The following NLK variants were observed in gnomAD, a reference collection of about 807,000 sequenced individuals.
NLK encodes the protein nemo like kinase, also known as serine/threonine-protein kinase NLK.
NLK carries 11 observed loss-of-function variants against 59.0 expected under a neutral mutation model. The observed-to-expected ratio is 0.19, with a 90% CI of 0.12 to 0.31. The LOEUF (loss-of-function observed/expected upper bound fraction) is 0.31. NLK is among the 10% of genes least tolerant of loss of function. The pLI, the probability that NLK is intolerant of heterozygous loss-of-function variation, is 1.00. For synonymous variants in NLK, 235 were observed against 235.9 expected, an observed-to-expected ratio of 1.00 and a Z score of 0.03; for missense variants, 410 against 661.1, an observed-to-expected ratio of 0.62 and a Z score of 4.16.
At chr17:28,143,264 G>C (rs930215912) in intron 3 of NLK, among the ~76,000 whole-genome samples, 1 of 151,788 alleles carries the variant, frequency 6.6e-6, no homozygotes, top group Non-Finnish European at 1.5e-5. Flanking sequence ...GGATGGTCTC[G>C]CTCTCCTGAC....
chr17:28,160,609 T>G (rs1458512530), intron 3 of NLK, among the ~76,000 whole-genome samples: 1 of 152,150 alleles, frequency 6.6e-6, no homozygotes, highest in Non-Finnish European at 1.5e-5. Flanking sequence ...GGAGGGGTGT[T>G]TCATAAATAT....
At chr17:28,096,839 C>T (rs1323070961) in intron 1 of NLK, among the ~76,000 whole-genome samples, 1 of 152,172 alleles carries the variant, frequency 6.6e-6, no homozygotes, top group Non-Finnish European at 1.5e-5. Flanking sequence ...TTACTACTGG[C>T]AGATAGAGAA....
chr17:28,189,957 A>G (rs1433077081), intron 8 of NLK, among the ~76,000 whole-genome samples: 2 of 152,234 alleles, frequency 1.3e-5, no homozygotes, highest in Non-Finnish European at 2.9e-5. Flanking sequence ...TTACATCAGC[A>G]TAGCAAAAAT....
At chr17:28,159,700 T>G (rs1204491864) in intron 3 of NLK, among the ~76,000 whole-genome samples, 1 of 152,246 alleles carries the variant, frequency 6.6e-6, no homozygotes, top group South Asian at 2.1e-4. Context: ...TATCTAAGAA[T>G]GTAAAAGGCT....
At chr17:28,115,706 A>G (rs958893851) in intron 1 of NLK, among the ~76,000 whole-genome samples, 2 of 152,084 alleles carry the variant, frequency 1.3e-5, no homozygotes, top group Admixed American at 6.6e-5. Flanking sequence ...CAATTTTACA[A>G]TGTTGAGTTT....
At chr17:28,082,212 C>T (rs1597669736) in intron 1 of NLK, among the ~76,000 whole-genome samples, 1 of 152,060 alleles carries the variant, frequency 6.6e-6, no homozygotes, top group Non-Finnish European at 1.5e-5. Context: ...CTGAAATTCA[C>T]GTTGTTTTTT....
At chr17:28,059,135 AAAAT>A (rs1473133374) in intron 1 of NLK, among the ~76,000 whole-genome samples, 28 of 152,290 alleles carry the variant, frequency 1.8e-4, no homozygotes, top group East Asian at 7.7e-4. Flanking sequence ...CAAAAAAAAA[AAAAT>A]AAAGTACTAT....
chr17:28,106,192 T>G (rs1905074064), intron 1 of NLK, among the ~76,000 whole-genome samples: 1 of 152,222 alleles, frequency 6.6e-6, no homozygotes, highest in South Asian at 2.1e-4. Context: ...TAATTTCTTC[T>G]TTTTAGCTTT....
chr17:28,075,084 A>G (rs1045176322), intron 1 of NLK, among the ~76,000 whole-genome samples: 3 of 152,226 alleles, frequency 2.0e-5, no homozygotes, highest in Non-Finnish European at 2.9e-5. Flanking sequence ...TTTACAGTTA[A>G]TGAAATATGG....
Position 28,125,769 on chromosome 17 carries a change from G to A in NLK, c.588+3037G>A, listed in dbSNP as rs550579110. Among the ~76,000 whole-genome samples, 7 of 152,236 alleles carry A rather than the reference G, an allele frequency of 4.6e-5. No individual in the cohort carries two copies. In the South Asian group the frequency reaches 6.2e-4, roughly 14 times the overall value. The stretch of plus-strand genomic sequence containing the variant: ...TTATTGTGTCCTATGTAAGGAGTGC[G>A]GTGCTAGGTCATGTGGAGGATACAA... On this transcript the variant is annotated intron_variant, in intron 2 of 10. Coordinates refer to ENST00000407008, the MANE Select transcript of NLK (RefSeq NM_016231.5).
intron 1 of NLK, among the ~76,000 whole-genome samples, chr17:28,060,075 T>G (rs1389576889): frequency 2.6e-5 from 4 of 152,192 alleles, no homozygotes; most frequent in African/African-American, 9.6e-5. Flanking sequence ...GTAACTGTCA[T>G]GAGCAGCATG....
At chr17:28,124,091 T>G (rs1422239510) in intron 2 of NLK, among the ~76,000 whole-genome samples, 1 of 152,226 alleles carries the variant, frequency 6.6e-6, no homozygotes, top group Admixed American at 6.5e-5. Context: ...TATGGTTCAC[T>G]CGAAGCTCCT....
intron 1 of NLK, among the ~76,000 whole-genome samples, chr17:28,047,025 G>A (rs1909080849): frequency 6.6e-6 from 1 of 152,134 alleles, no homozygotes; most frequent in Admixed American, 6.5e-5. Context: ...CAAAACTGTA[G>A]TGATAGTTAC....
intron 2 of NLK, among the ~76,000 whole-genome samples, chr17:28,127,434 A>G (rs1414071411): frequency 6.6e-6 from 1 of 152,230 alleles, no homozygotes; most frequent in East Asian, 1.9e-4. Flanking sequence ...CTGTTCAGAC[A>G]TTAGTAATAC....
intron 1 of NLK, among the ~76,000 whole-genome samples, chr17:28,094,765 T>C (rs1023464496): frequency 1.3e-5 from 2 of 152,174 alleles, no homozygotes; most frequent in South Asian, 2.1e-4. Flanking sequence ...GTTCAACTTA[T>C]ATTAGCTAAA....
intron 3 of NLK, among the ~76,000 whole-genome samples, chr17:28,143,162 A>G (rs762883887): frequency 2.0e-5 from 3 of 151,376 alleles, no homozygotes; most frequent in Non-Finnish European, 4.4e-5. Context: ...TCCTGCCTCA[A>G]CCTCCTGAGT....
At chr17:28,201,763 C>G in the NLK span, among the ~76,000 whole-genome samples, 106 of 152,266 alleles carry the variant, frequency 7.0e-4, no homozygotes, top group African/African-American at 2.5e-3. Flanking sequence ...CACCTGTAAT[C>G]CCAGCACTTT....
chr17:28,160,270 A>G (rs73271119), intron 3 of NLK, among the ~76,000 whole-genome samples: 1,980 of 152,294 alleles, frequency 0.013, 38 homozygotes, highest in African/African-American at 0.045. Context: ...AAAACAATTG[A>G]AAAACAATTT....
chr17:28,056,381 G>A (rs943861740), intron 1 of NLK, among the ~76,000 whole-genome samples: 13 of 152,174 alleles, frequency 8.5e-5, no homozygotes, highest in African/African-American at 3.1e-4. Flanking sequence ...TTTGTTCAAC[G>A]TTGCACAGCT....
Sources: allele counts gnomAD v4.1 joint callset (sites outside exome capture counted in the v4.1 genomes callset), GRCh38; gene constraint gnomAD v4.1.1; transcripts MANE v1.5; gene names NCBI Gene and HGNC (gene_info 2026-07-23, HGNC 2026-07-21).